The following FRMD4B variants were observed in gnomAD, a reference collection of about 807,000 sequenced individuals.
FRMD4B encodes FERM domain-containing protein 4B.
FRMD4B carries 74 observed loss-of-function variants against 141.5 expected under a neutral mutation model. The observed-to-expected ratio is 0.52, with a 90% CI of 0.43 to 0.63. FRMD4B has a LOEUF of 0.63. Among genes scored for constraint, FRMD4B ranks in the 30% least tolerant of loss-of-function variants. The pLI is 0.00. For synonymous variants in FRMD4B, 506 were observed against 467.9 expected, an observed-to-expected ratio of 1.08 and a Z score of -1.05; for missense variants, 1,366 against 1,253.4, an observed-to-expected ratio of 1.09 and a Z score of -1.36.
At chr3:69,290,966 T>A (rs528433561) in intron 4 of FRMD4B, among the ~76,000 whole-genome samples, 361 of 152,248 alleles carry the variant, frequency 2.4e-3, no homozygotes, top group African/African-American at 8.4e-3. Flanking sequence ...ATGTAAAAAA[T>A]AGCAGAAAAA....
chr3:69,491,649 G>C lies in FRMD4B; in HGVS notation c.-129+50557C>G, dbSNP rs1309698374. Among the ~76,000 whole-genome samples, 5 of 152,160 alleles carry C rather than the reference G, an allele frequency of 3.3e-5. No individual in the cohort carries two copies. In the East Asian group the frequency reaches 7.7e-4, roughly 23 times the overall value. The stretch of plus-strand genomic sequence containing the variant: ...ATACAAAACCAATCAAATGATGCTG[G>C]CTTCCTTTTTAACCTAAGCACCACA... On this transcript the variant is annotated intron_variant, in intron 1 of 5. Transcript: ENST00000459638.
At chr3:69,426,321 C>CGT (rs55653336) in intron 2 of FRMD4B, among the ~76,000 whole-genome samples, 54,829 of 149,666 alleles carry the variant, frequency 0.37, 10,518 homozygotes, top group African/African-American at 0.5. Flanking sequence ...CTTTTAAAAG[C>CGT]GTGTGTGTGT....
intron 8 of FRMD4B, among the ~76,000 whole-genome samples, chr3:69,222,730 C>G (rs9830262): frequency 0.011 from 1,744 of 152,222 alleles, 23 homozygotes; most frequent in African/African-American, 0.039. Flanking sequence ...GAGCTTGCGC[C>G]ATTGCACTCC....
intron 19 of FRMD4B, among the ~76,000 whole-genome samples, chr3:69,185,872 T>A (rs1006431932): frequency 1.3e-5 from 2 of 152,020 alleles, no homozygotes; most frequent in South Asian, 4.2e-4. Context: ...TGAAACTCTA[T>A]CTCTACTAAA....
chr3:69,203,074 TAAGATG>T (rs1457382786), intron 11 of FRMD4B, among the ~76,000 whole-genome samples: 1 of 147,748 alleles, frequency 6.8e-6, no homozygotes, highest in Admixed American at 6.7e-5. Context: ...CCCTTAACCC[TAAGATG>T]AAGTAAAAAA....
At chr3:69,317,754 C>CAAAAA (rs765280161) in intron 1 of FRMD4B, among the ~76,000 whole-genome samples, 36 of 52,582 alleles carry the variant, frequency 6.8e-4, no homozygotes, top group Admixed American at 1.9e-3. Context: ...GACACCAACT[C>CAAAAA]AAAAAAAAAA....
intron 1 of FRMD4B, among the ~76,000 whole-genome samples, chr3:69,436,912 AT>A (rs1489191955): frequency 6.6e-6 from 1 of 152,224 alleles, no homozygotes; most frequent in South Asian, 2.1e-4. Context: ...TTGAATAGTA[AT>A]TATTATCTAG....
chr3:69,516,603 T>A (rs1329023367), intron 1 of FRMD4B, among the ~76,000 whole-genome samples: 2 of 152,216 alleles, frequency 1.3e-5, no homozygotes, highest in African/African-American at 4.8e-5. Flanking sequence ...CAAGGACTTC[T>A]GAGCTACAGA....
At chr3:69,416,374 G>A (rs1704861018) in intron 2 of FRMD4B, among the ~76,000 whole-genome samples, 1 of 152,118 alleles carries the variant, frequency 6.6e-6, no homozygotes, top group African/African-American at 2.4e-5. Context: ...TTGAATTTCT[G>A]GACTCAAGTG....
rs533628206 is a variant in FRMD4B at position 69,399,745 on chromosome 3, A to G, written c.-1+32889T>C. Among the ~76,000 whole-genome samples, 230 of 152,278 alleles carry G rather than the reference A, an allele frequency of 1.5e-3. 2 individuals carry two copies. Among genetic ancestry groups the G allele is most frequent in the Middle Eastern group, 6.8e-3 (2 of 294 alleles). Reference sequence around the variant, plus strand: ...CCTTAGCTTTAATGTTGATCCCTCAAAGCAGGTGAGTGCCCCATCACTGCC... The same window carrying G: ...CCTTAGCTTTAATGTTGATCCCTCAGAGCAGGTGAGTGCCCCATCACTGCC... On this transcript the variant is annotated intron_variant, in intron 2 of 5. Transcript: ENST00000459638.
At chr3:69,496,638 AGAGAG>A (rs1706400834) in intron 1 of FRMD4B, among the ~76,000 whole-genome samples, 1 of 39,618 alleles carries the variant, frequency 2.5e-5, no homozygotes, top group African/African-American at 9.4e-5. Flanking sequence ...AGAGAGAGAA[AGAGAG>A]AGAGAGAGAG....
At chr3:69,478,282 T>G (rs1338508304) in intron 1 of FRMD4B, among the ~76,000 whole-genome samples, 2 of 152,204 alleles carry the variant, frequency 1.3e-5, no homozygotes, top group African/African-American at 2.4e-5. Context: ...TTCTAGTTCT[T>G]TTAATTGTGA....
intron 7 of FRMD4B, among the ~76,000 whole-genome samples, chr3:69,239,972 G>A (rs1425770640): frequency 6.6e-6 from 1 of 151,894 alleles, no homozygotes; most frequent in East Asian, 1.9e-4. Flanking sequence ...AGAATCGCTT[G>A]AACCCAAGAG....
intron 7 of FRMD4B, among the ~76,000 whole-genome samples, chr3:69,226,566 G>A (rs753674038): frequency 7.9e-5 from 12 of 151,640 alleles, no homozygotes; most frequent in Admixed American, 2.0e-4. Flanking sequence ...CATCCCCATC[G>A]ACCACATGCA....
chr3:69,217,008 CT>C (rs908313261), intron 10 of FRMD4B, among the ~76,000 whole-genome samples: 23 of 151,494 alleles, frequency 1.5e-4, no homozygotes, highest in African/African-American at 5.3e-4. Context: ...CTCTTTGCCT[CT>C]TAATTAGTAA....
chr3:69,407,965 C>T (rs186915672), intron 2 of FRMD4B, among the ~76,000 whole-genome samples: 67 of 152,148 alleles, frequency 4.4e-4, no homozygotes, highest in African/African-American at 1.5e-3. Context: ...GCGTCTGTGG[C>T]GTTTACTGAC....
intron 1 of FRMD4B, among the ~76,000 whole-genome samples, chr3:69,484,748 T>G (rs191291464): frequency 6.6e-6 from 1 of 152,018 alleles, no homozygotes; most frequent in Non-Finnish European, 1.5e-5. Context: ...ATAACTCCTC[T>G]CTGCAGCTGG....
chr3:69,187,320 C>T (rs1476070589), intron 19 of FRMD4B, among the ~76,000 whole-genome samples: 1 of 151,636 alleles, frequency 6.6e-6, no homozygotes, highest in Non-Finnish European at 1.5e-5. Context: ...CCGAGGCAGG[C>T]AGATCACCTG....
At position 69,338,670 on chromosome 3, in the gene FRMD4B, C is replaced by T. The variant is rs560420477; in HGVS notation, c.163-25153G>A. Among the ~76,000 whole-genome samples, 20 of 152,046 alleles carry T rather than the reference C, an allele frequency of 1.3e-4. 1 individual carries two copies. Among genetic ancestry groups the T allele is most frequent in the African/African-American group, 2.2e-4 (9 of 41,496 alleles). On this transcript the variant is annotated intron_variant, in intron 1 of 22. Transcript: ENST00000398540. Reference sequence around the variant, plus strand: ...ACACAAAGAAGGGAACAACAGACACCGAGGCCTACTTGAGGGTAGAGGGTA... The same window carrying T: ...ACACAAAGAAGGGAACAACAGACACTGAGGCCTACTTGAGGGTAGAGGGTA...
Sources: gnomAD v4.1 joint callset for allele counts (sites outside exome capture counted in the v4.1 genomes callset) on GRCh38, gnomAD v4.1.1 for gene constraint, MANE v1.5 for transcripts, NCBI Gene and HGNC (gene_info 2026-07-23, HGNC 2026-07-21) for gene names.